The following CYP26C1 variants were observed in gnomAD, a reference collection of about 807,000 sequenced individuals.
CYP26C1 encodes cytochrome P450 family 26 subfamily C member 1, also known as cytochrome P450 26C1.
Under a neutral mutation model 39.1 loss-of-function variants are expected in CYP26C1, and 41 were observed. The observed-to-expected ratio is 1.05, with a 90% CI of 0.82 to 1.36. The LOEUF (loss-of-function observed/expected upper bound fraction) is 1.36, where lower values mean the gene tolerates loss of function less well. CYP26C1 is among the 40% of genes most tolerant of loss of function. CYP26C1 has a pLI of 0.00. For missense variants in CYP26C1, 833 were observed against 752.0 expected (o/e 1.11, Z -1.26); for synonymous variants, 362 against 350.8 (o/e 1.03, Z -0.36).
intron 3 of CYP26C1, chr10:93,064,054 G>C (rs535376855): frequency 3.0e-5 from 34 of 1,128,668 alleles, no homozygotes; most frequent in Admixed American, 8.9e-5. Context: ...ACTGGGCTCT[G>C]TGCCAGGCAT....
rs761985331 is a variant in CYP26C1 at position 93,064,555 on chromosome 10, C to T, written c.861+19C>T. The T allele has an allele frequency of 6.2e-7, 1 of 1,604,068 alleles. No individual in the cohort carries two copies. Among genetic ancestry groups the T allele is most frequent in the South Asian group, 1.1e-5 (1 of 90,232 alleles). ...GCTGAAGGTAGGTGCTGACAGGCCG[C>T]TCCTTCTCCCCTCTTTTGCATTCCC... On this transcript the variant is annotated intron_variant, in intron 4 of 5. Coordinates refer to ENST00000651965, the MANE Select transcript of CYP26C1 (RefSeq NM_183374.3).
In CYP26C1 at chr10:93,062,775, A is replaced by AG; in HGVS notation, c.490dup (p.Ala164GlyfsTer5). 2 of 1,518,310 alleles carry AG rather than the reference A, an allele frequency of 1.3e-6. No individual in the cohort carries two copies. The highest frequency in any genetic ancestry group is 1.8e-6 in the Non-Finnish European group (2 of 1,140,250). The allele number at this position is 1,518,310 out of a possible 1,614,324, so 94.1% of individuals were successfully genotyped here. ...CTGGAGCGCTACGTGCCGCGCCTGC[A>AG]GGGGGCGCTGCGGCATGAGGTGCGC... On this transcript the variant is annotated frameshift_variant, in exon 3 of 6. Coordinates refer to ENST00000651965, the MANE Select transcript of CYP26C1 (RefSeq NM_183374.3). LOFTEE classifies it high-confidence loss of function.
chr10:93,069,518 T>TA lies in CYP26C1; in HGVS notation c.*824dup, dbSNP rs2134417457. The stretch of plus-strand genomic sequence containing the variant: ...TACCAAAAATAGGAAGGCCAAGAAA[T>TA]AAAGTGTCTTGGGAGCGGTTGAGTG... On this transcript the variant is annotated 3_prime_UTR_variant, in exon 6 of 6. Coordinates refer to ENST00000651965, the MANE Select transcript of CYP26C1 (RefSeq NM_183374.3). The TA allele has an allele frequency of 6.6e-6, 1 of 152,196 alleles. No individual in the cohort carries two copies. The highest frequency in any genetic ancestry group is 2.1e-4 in the South Asian group (1 of 4,826). The allele number at this position is 152,196 out of a possible 1,614,324, so 9.4% of individuals were successfully genotyped here.
intron 3 of CYP26C1, 162 bp from the exon 4 acceptor site, chr10:93,064,219 C>A: frequency 2.1e-6 from 3 of 1,424,692 alleles, no homozygotes; most frequent in Non-Finnish European, 2.8e-6. Context: ...TATCCCCGAC[C>A]ATTTACTGAG....
In CYP26C1 at chr10:93,068,454, C is replaced by G; in HGVS notation, c.1326C>G (p.Gly442=). Residue 442 remains glycine, a synonymous_variant, in exon 6 of 6, where the codon GGC becomes GGG. Transcript: ENST00000651965. ...GCGCAGCGCGCGAAGATTCCCGGGGCGCCTCCAGCCGCTTCCATTACATCC... is the reference window on the plus strand; with the variant it reads ...GCGCAGCGCGCGAAGATTCCCGGGGGGCCTCCAGCCGCTTCCATTACATCC... The part of the protein sequence containing the change: ...RFGAAREDSR[G]ASSRFHYIPF... 4 of 1,611,268 alleles carry G rather than the reference C, an allele frequency of 2.5e-6. No homozygotes were observed. The highest frequency in any genetic ancestry group is 3.4e-6 in the Non-Finnish European group (4 of 1,179,332).
chr10:93,061,907 G>C, intron 1 of CYP26C1, 103 bp from the exon 2 acceptor site: 1 of 1,207,654 alleles, frequency 8.3e-7, no homozygotes, highest in South Asian at 1.4e-5. Flanking sequence ...AAACGCGCCA[G>C]CCAGGGACAG....
chr10:93,065,881 C>T, intron 4 of CYP26C1, 75 bp from the exon 5 acceptor site: 1 of 1,376,002 alleles, frequency 7.3e-7, no homozygotes. Context: ...CTTTTCATCT[C>T]CACGGGGCCG....
Position 93,068,379 on chromosome 10 carries a change from GGCTGCGGTGT to G in CYP26C1, c.1252_1261del (p.Ala418ThrfsTer52), listed in dbSNP as rs1564953654. ...ATAGCATCCGGGACACGCACGAGAC[GGCTGCGGTGT>G]ACCGCAGCCCTCCCGAAGGCTTCGA... is the stretch of plus-strand genomic sequence containing the variant. On this transcript the variant is annotated frameshift_variant, in exon 6 of 6. Coordinates refer to ENST00000651965, the MANE Select transcript of CYP26C1 (RefSeq NM_183374.3). LOFTEE classifies it high-confidence loss of function. The G allele has an allele frequency of 2.0e-5, 31 of 1,589,168 alleles. No individual in the cohort carries two copies. In the South Asian group the frequency reaches 3.3e-4, roughly 17 times the overall value.
chr10:93,062,340 C>G (rs1846762428), intron 2 of CYP26C1, 106 bp downstream of exon 2: 2 of 1,204,644 alleles, frequency 1.7e-6, no homozygotes, highest in East Asian at 5.1e-5. Context: ...TGAACCCGAC[C>G]AAGGTCCCTG....
intron 3 of CYP26C1, chr10:93,063,256 T>C: frequency 8.3e-7 from 1 of 1,209,740 alleles, no homozygotes; most frequent in Non-Finnish European, 1.0e-6. Context: ...CGCTCCAGCC[T>C]GAGCAAGCGC....
In CYP26C1 at chr10:93,068,884, C is replaced by T. The variant is rs1297430977; in HGVS notation, c.*187C>T. ...AAGGAGGAGGGCGAGCCACCGCTGC[C>T]GCGCCAGAGAAGCATCTAAGCCCAT... On this transcript the variant is annotated 3_prime_UTR_variant, in exon 6 of 6. Coordinates refer to ENST00000651965, the MANE Select transcript of CYP26C1 (RefSeq NM_183374.3). 7 of 1,053,184 alleles carry T rather than the reference C, an allele frequency of 6.6e-6. No homozygotes were observed. Among genetic ancestry groups the T allele is most frequent in the Non-Finnish European group, 7.7e-6 (6 of 779,248 alleles). 65.2% of individuals were successfully genotyped at this position (1,053,184 alleles called of 1,614,324 possible). A position where few individuals can be genotyped will look rare whatever the true frequency, so the allele number is the denominator to read the frequency against.
rs1590139339 is a variant in CYP26C1 at position 93,069,017 on chromosome 10, T to A, written c.*320T>A. On this transcript the variant is annotated 3_prime_UTR_variant, in exon 6 of 6. Coordinates refer to ENST00000651965, the MANE Select transcript of CYP26C1 (RefSeq NM_183374.3). ...CACGAGGTGCTGCTTGGCTTCCCCT[T>A]CCCGAGCCAATCCAGGGAGGGTGCA... The A allele has an allele frequency of 3.6e-6, 1 of 280,294 alleles. No individual in the cohort carries two copies. Among genetic ancestry groups the A allele is most frequent in the South Asian group, 1.3e-4 (1 of 7,896 alleles). 17.4% of individuals were successfully genotyped at this position (280,294 alleles called of 1,614,324 possible). A position where few individuals can be genotyped will look rare whatever the true frequency, so the allele number is the denominator to read the frequency against.
intron 1 of CYP26C1, 120 bp from the exon 2 acceptor site, chr10:93,061,890 G>A (rs915820188): frequency 9.8e-7 from 1 of 1,021,322 alleles, no homozygotes. Flanking sequence ...TGGGGATCTT[G>A]TTTTGTAAAC....
chr10:93,062,670 A>G, intron 2 of CYP26C1, 50 bp from the exon 3 acceptor site: 1 of 1,368,400 alleles, frequency 7.3e-7, no homozygotes, highest in Non-Finnish European at 9.4e-7. Context: ...GGAATCGCCA[A>G]GCAGATGAGG....
chr10:93,064,216 G>A (rs577278132), intron 3 of CYP26C1, 165 bp from the exon 4 acceptor site: 295 of 1,421,790 alleles, frequency 2.1e-4, no homozygotes, highest in Non-Finnish European at 2.5e-4. Flanking sequence ...ACATATCCCC[G>A]ACCATTTACT....
Position 93,068,574 on chromosome 10 carries a change from G to C in CYP26C1, c.1446G>C (p.Trp482Cys). 1 of 1,594,932 alleles carries C rather than the reference G, an allele frequency of 6.3e-7. No homozygotes were observed. Among genetic ancestry groups the C allele is most frequent in the South Asian group, 1.1e-5 (1 of 88,884 alleles). The change falls in exon 6 of 6, where the codon TGG (tryptophan) becomes TGC (cysteine). Residue 482 changes from tryptophan (W) to cysteine (C), a missense_variant. Coordinates refer to ENST00000651965, the MANE Select transcript of CYP26C1 (RefSeq NM_183374.3). The part of the protein sequence containing the change: ...LAVELVRTAR[W>C]ELATPAFPAM... ...TGGAGCTAGTGCGCACCGCGCGCTG[G>C]GAACTGGCCACACCCGCCTTCCCCG...
chr10:93,062,680 G>A (rs1386683888), intron 2 of CYP26C1, 40 bp from the exon 3 acceptor site: 2 of 1,389,696 alleles, frequency 1.4e-6, no homozygotes, highest in South Asian at 1.6e-5. Context: ...AGCAGATGAG[G>A]CCAGACCGCC....
chr10:93,061,139 C>A lies in CYP26C1; in HGVS notation c.-125C>A. 2 of 981,208 alleles carry A rather than the reference C, an allele frequency of 2.0e-6. No homozygotes were observed. The highest frequency in any genetic ancestry group is 3.0e-6 in the Non-Finnish European group (2 of 667,798). The allele number at this position is 981,208 out of a possible 1,614,324, so 60.8% of individuals were successfully genotyped here. On this transcript the variant is annotated 5_prime_UTR_variant, in exon 1 of 6. Coordinates refer to ENST00000651965, the MANE Select transcript of CYP26C1 (RefSeq NM_183374.3). ...CTGGCCTGAGCTTATAAATCTCGGG[C>A]TTTGCCCCCAAACCCCAGGCCTTTT... is the stretch of plus-strand genomic sequence containing the variant.
rs946933283 is a variant in CYP26C1 at position 93,068,603 on chromosome 10, T to G, written c.1475T>G (p.Met492Arg). ...CTGGCCACACCCGCCTTCCCCGCCATGCAGACGGTGCCCATCGTGCACCCA... is the reference window on the plus strand; with the variant it reads ...CTGGCCACACCCGCCTTCCCCGCCAGGCAGACGGTGCCCATCGTGCACCCA... ...WELATPAFPA[M>R]QTVPIVHPVD... is the part of the protein sequence containing the mutation. Residue 492 changes from methionine (M) to arginine (R), a missense_variant, in exon 6 of 6, where the codon ATG becomes AGG. By Grantham distance (91) the Met-to-Arg change is moderately conservative. Transcript: ENST00000651965. 5 of 1,600,384 alleles carry G rather than the reference T, an allele frequency of 3.1e-6. No homozygotes were observed. Among genetic ancestry groups the G allele is most frequent in the Non-Finnish European group, 3.4e-6 (4 of 1,174,384 alleles).
Sources: allele counts gnomAD v4.1 joint callset, GRCh38; gene constraint gnomAD v4.1.1; transcripts MANE v1.5; gene names NCBI Gene and HGNC (gene_info 2026-07-23, HGNC 2026-07-21).